The following PLD5 variants were observed in gnomAD, a reference collection of about 807,000 sequenced individuals.
PLD5 encodes inactive phospholipase D5.
Under a neutral mutation model 61.1 loss-of-function variants are expected in PLD5, and 36 were observed. The ratio of observed to expected loss-of-function variants is 0.59; its 90% CI spans 0.45 to 0.78. PLD5 has a LOEUF of 0.78. Ranked by LOEUF, PLD5 falls within the 30% of genes least tolerant of loss-of-function variation. The probability of loss-of-function intolerance (pLI) is 0.00; values close to 1 mark genes in which losing one functional copy is unlikely to be tolerated. For synonymous variants in PLD5, 243 were observed against 242.8 expected (o/e 1.00, Z -0.01); for missense variants, 515 against 644.4 (o/e 0.80, Z 2.17).
chr1:242,393,565 TATGTGTATATATATGAGTATAC>T lies in PLD5; in HGVS notation c.190-45345_190-45324del, dbSNP rs1383822311. ...ATATATGTGTATATATATGAGTATA[TATGTGTATATATATGAGTATAC>T]ATATGTGTATATATATGAGCATATA... On this transcript the variant is annotated intron_variant, in intron 1 of 9. Coordinates refer to ENST00000536534, the MANE Select transcript of PLD5 (RefSeq NM_001372062.1). 6.2e-5 allele frequency among the ~76,000 whole-genome samples: 6 copies of T among 96,164 alleles called. 2 individuals carry two copies. The East Asian group carries it at 1.1e-3, about 17-fold the overall frequency. 63.1% of individuals were successfully genotyped at this position (96,164 alleles called of 152,430 possible).
At position 242,298,046 on chromosome 1, in the gene PLD5, T is replaced by A. The variant is rs563805421; in HGVS notation, c.327-9516A>T. On this transcript the variant is annotated intron_variant, in intron 2 of 9. Coordinates refer to ENST00000536534, the MANE Select transcript of PLD5 (RefSeq NM_001372062.1). ...GGGAGCCCCTGTAAGTTGTATTCTG[T>A]GTCCTTTTGATGTATTTCTTTCCAT... 1.6e-3 allele frequency among the ~76,000 whole-genome samples: 248 copies of A among 152,344 alleles called. 6 individuals are homozygous for A. In the South Asian group the frequency reaches 0.049, roughly 30 times the overall value.
At chr1:242,263,020 T>G (rs545743132) in intron 4 of PLD5, among the ~76,000 whole-genome samples, 1 of 152,168 alleles carries the variant, frequency 6.6e-6, no homozygotes, top group African/African-American at 2.4e-5. Context: ...GAGAGATGGT[T>G]TATCTTTCTG....
At chr1:242,255,698 G>A (rs976726819) in intron 4 of PLD5, among the ~76,000 whole-genome samples, 1 of 152,072 alleles carries the variant, frequency 6.6e-6, no homozygotes, top group Non-Finnish European at 1.5e-5. Flanking sequence ...TAAAAATATG[G>A]ATTATCAATG....
At chr1:242,483,281 A>C (rs369476656) in intron 1 of PLD5, among the ~76,000 whole-genome samples, 15 of 152,338 alleles carry the variant, frequency 9.8e-5, no homozygotes, top group African/African-American at 3.6e-4. Context: ...ATAAAGAGTC[A>C]AGACCCATCA....
chr1:242,426,247 T>C (rs1665415132), intron 1 of PLD5, among the ~76,000 whole-genome samples: 1 of 147,458 alleles, frequency 6.8e-6, no homozygotes, highest in African/African-American at 2.5e-5. Context: ...AGCTGTCAAC[T>C]GATATAACAA....
chr1:242,367,572 C>T (rs915592718), intron 1 of PLD5, among the ~76,000 whole-genome samples: 3 of 152,294 alleles, frequency 2.0e-5, no homozygotes, highest in South Asian at 2.1e-4. Context: ...CACATCTCAG[C>T]AGCATACTCA....
intron 5 of PLD5, among the ~76,000 whole-genome samples, chr1:242,171,320 C>T (rs956903651): frequency 6.6e-6 from 1 of 152,156 alleles, no homozygotes; most frequent in Admixed American, 6.6e-5. Context: ...AAATCCTTTA[C>T]AGACAAGCAA....
chr1:242,161,193 C>T (rs1053091879), intron 5 of PLD5, among the ~76,000 whole-genome samples: 1 of 152,078 alleles, frequency 6.6e-6, no homozygotes, highest in African/African-American at 2.4e-5. Context: ...TTAATGGACT[C>T]ATAGTTGCAC....
Position 242,420,964 on chromosome 1 carries a change from G to A in PLD5, c.190-72722C>T, listed in dbSNP as rs1036818886. On this transcript the variant is annotated intron_variant, in intron 1 of 9. Coordinates refer to ENST00000536534, the MANE Select transcript of PLD5 (RefSeq NM_001372062.1). ...TGGAAGGCCGAGCCAGGCGGATCAC[G>A]AGGTCAAGAGATCGAGTCCATCCTG... Among the ~76,000 whole-genome samples the A allele has an allele frequency of 2.6e-5, 4 of 152,022 alleles. No individual in the cohort carries two copies. The East Asian group carries it at 5.8e-4, about 22-fold the overall frequency.
At chr1:242,344,498 G>A (rs1186573686) in intron 2 of PLD5, among the ~76,000 whole-genome samples, 2 of 152,150 alleles carry the variant, frequency 1.3e-5, no homozygotes, top group African/African-American at 4.8e-5. Context: ...TGAAGACGTG[G>A]GAGGAAAAGG....
chr1:242,273,296 T>G (rs1390466642), intron 3 of PLD5, among the ~76,000 whole-genome samples: 2 of 152,140 alleles, frequency 1.3e-5, no homozygotes, highest in Admixed American at 6.5e-5. Context: ...ATGGTGTATA[T>G]GTGCCATATT....
chr1:242,512,117 T>C (rs1267243807), intron 1 of PLD5, among the ~76,000 whole-genome samples: 7 of 151,814 alleles, frequency 4.6e-5, no homozygotes, highest in Non-Finnish European at 7.4e-5. Flanking sequence ...TTTAAGAGTA[T>C]TTTGGTGGGT....
chr1:242,223,946 C>T (rs1437308994), intron 4 of PLD5, among the ~76,000 whole-genome samples: 2 of 151,834 alleles, frequency 1.3e-5, no homozygotes, highest in South Asian at 2.1e-4. Context: ...TATTTATGTG[C>T]ACTTTTAGAA....
At chr1:242,108,547 G>A (rs1348998424) in intron 7 of PLD5, among the ~76,000 whole-genome samples, 1 of 152,042 alleles carries the variant, frequency 6.6e-6, no homozygotes, top group Admixed American at 6.6e-5. Flanking sequence ...CTTATGATGT[G>A]GGGCAGACTC....
intron 4 of PLD5, among the ~76,000 whole-genome samples, chr1:242,242,431 T>C (rs1040609302): frequency 3.9e-5 from 6 of 152,186 alleles, no homozygotes; most frequent in African/African-American, 7.2e-5. Context: ...ATAAACAGAT[T>C]TCTTAGGCAT....
chr1:242,376,855 T>C, intron 1 of PLD5: 1 of 1,492,966 alleles, frequency 6.7e-7, no homozygotes, highest in Non-Finnish European at 8.9e-7. Context: ...CACTGCAAAC[T>C]TTTTGTAACA....
At chr1:242,130,375 C>T (rs544859123) in intron 5 of PLD5, among the ~76,000 whole-genome samples, 112 of 152,324 alleles carry the variant, frequency 7.4e-4, no homozygotes, top group African/African-American at 2.7e-3. Context: ...TTTGATTCCA[C>T]ATCTTTGCTA....
chr1:242,273,173 G>A (rs544388505), intron 3 of PLD5, among the ~76,000 whole-genome samples: 92 of 151,614 alleles, frequency 6.1e-4, no homozygotes, highest in African/African-American at 2.0e-3. Context: ...GAAAACATGT[G>A]GTGTTTTGTT....
intron 2 of PLD5, among the ~76,000 whole-genome samples, chr1:242,326,852 G>A (rs1225706176): frequency 6.6e-6 from 1 of 150,942 alleles, no homozygotes; most frequent in Non-Finnish European, 1.5e-5. Flanking sequence ...GACCACAGGT[G>A]TATGTTACCA....
Sources: gnomAD v4.1 joint callset for allele counts (sites outside exome capture counted in the v4.1 genomes callset) on GRCh38, gnomAD v4.1.1 for gene constraint, MANE v1.5 for transcripts, NCBI Gene and HGNC (gene_info 2026-07-23, HGNC 2026-07-21) for gene names.